FUT8: variants seen among roughly 807,000 people sequenced by gnomAD.
FUT8 encodes fucosyltransferase 8, also known as alpha-(1,6)-fucosyltransferase.
In FUT8, 29 loss-of-function variants were observed where a neutral mutation model predicts 71.3. The ratio of observed to expected loss-of-function variants is 0.41; its 90% CI spans 0.30 to 0.55. The LOEUF (loss-of-function observed/expected upper bound fraction) is 0.55, where lower values mean the gene tolerates loss of function less well. Ranked by LOEUF, FUT8 falls within the 20% of genes least tolerant of loss-of-function variation. FUT8 has a pLI of 0.34. For synonymous variants in FUT8, 254 were observed against 239.3 expected, an observed-to-expected ratio of 1.06 and a Z score of -0.57; for missense variants, 544 against 702.1, an observed-to-expected ratio of 0.77 and a Z score of 2.55.
chr14:65,629,672 A>G, intron 6 of FUT8, 66 bp downstream of exon 6: 5 of 1,118,214 alleles, frequency 4.5e-6, no homozygotes, highest in Non-Finnish European at 6.8e-6. Context: ...AACTAAGAGT[A>G]ATAATTTCAG....
intron 2 of FUT8, chr14:65,468,339 C>T (rs190327962): frequency 1.3e-3 from 737 of 576,030 alleles, no homozygotes; most frequent in Non-Finnish European, 1.9e-3. Context: ...CCTTTGTGTT[C>T]GTCCTTTTGG....
At chr14:65,602,956 T>G (rs901456321) in intron 3 of FUT8, among the ~76,000 whole-genome samples, 2 of 152,000 alleles carry the variant, frequency 1.3e-5, no homozygotes, top group Non-Finnish European at 2.9e-5. Flanking sequence ...TGGGTTGTGT[T>G]TATTCTGCTG....
At chr14:65,426,106 C>A (rs939114490) in intron 1 of FUT8, among the ~76,000 whole-genome samples, 3 of 152,096 alleles carry the variant, frequency 2.0e-5, no homozygotes, top group African/African-American at 7.2e-5. Context: ...CCAACATCTC[C>A]CCATTTCCTC....
intron 5 of FUT8, 96 bp from the exon 6 acceptor site, chr14:65,629,396 A>G (rs752206898): frequency 4.2e-5 from 31 of 729,794 alleles, no homozygotes; most frequent in Admixed American, 1.6e-4. Flanking sequence ...GCGAGCATCA[A>G]TCTTTATGAG....
chr14:65,613,252 A>G (rs562542539), intron 3 of FUT8, among the ~76,000 whole-genome samples: 9 of 152,274 alleles, frequency 5.9e-5, no homozygotes, highest in African/African-American at 1.4e-4. Flanking sequence ...TAATCTTTCT[A>G]TTGTCAATTT....
the FUT8 span, among the ~76,000 whole-genome samples, chr14:65,402,630 C>T: frequency 1.3e-5 from 2 of 151,718 alleles, no homozygotes; most frequent in Admixed American, 1.3e-4. Flanking sequence ...CGCGCCACTG[C>T]ACTCCAGCCT....
intron 10 of FUT8, among the ~76,000 whole-genome samples, chr14:65,735,471 A>G (rs1896176514): frequency 6.6e-6 from 1 of 152,198 alleles, no homozygotes; most frequent in Admixed American, 6.5e-5. Context: ...CCAAAGGAAT[A>G]AGGCTCATAC....
intron 2 of FUT8, among the ~76,000 whole-genome samples, chr14:65,526,389 G>C (rs1186020144): frequency 2.0e-5 from 3 of 152,108 alleles, no homozygotes; most frequent in African/African-American, 7.2e-5. Context: ...TGCAACCCCT[G>C]CCTTTTTTTG....
At chr14:65,387,211 A>G in the FUT8 span, among the ~76,000 whole-genome samples, 1 of 152,152 alleles carries the variant, frequency 6.6e-6, no homozygotes. Context: ...TGACTTGGAA[A>G]CAGTTTGAGC....
intron 1 of FUT8, among the ~76,000 whole-genome samples, chr14:65,447,303 A>T (rs1030670923): frequency 6.6e-6 from 1 of 151,856 alleles, no homozygotes; most frequent in Non-Finnish European, 1.5e-5. Context: ...AAAAAAAAAA[A>T]AAAACCCAAA....
chr14:65,728,583 G>A (rs1895803583), intron 9 of FUT8, among the ~76,000 whole-genome samples: 1 of 152,200 alleles, frequency 6.6e-6, no homozygotes, highest in Admixed American at 6.5e-5. Context: ...TTCTAATACA[G>A]TCATGTACCA....
chr14:65,618,261 A>C (rs542897093), intron 5 of FUT8, among the ~76,000 whole-genome samples: 3 of 151,800 alleles, frequency 2.0e-5, no homozygotes, highest in Admixed American at 1.3e-4. Context: ...TGTTTATATA[A>C]CTCGCATATG....
At chr14:65,357,255 G>A in the FUT8 span, among the ~76,000 whole-genome samples, 54 of 152,234 alleles carry the variant, frequency 3.5e-4, no homozygotes, top group African/African-American at 1.3e-3. Context: ...GTCAACTGCT[G>A]TAGTTACTGT....
intron 3 of FUT8, among the ~76,000 whole-genome samples, chr14:65,611,299 A>AC (rs1566851583): frequency 8.1e-5 from 4 of 49,642 alleles, no homozygotes; most frequent in African/African-American, 4.4e-4. Flanking sequence ...ACACACACAC[A>AC]CACCCCCCAA....
chr14:65,640,679 A>T (rs778419236), intron 6 of FUT8, among the ~76,000 whole-genome samples: 1 of 152,146 alleles, frequency 6.6e-6, no homozygotes, highest in Non-Finnish European at 1.5e-5. Flanking sequence ...ATTAGAGAGT[A>T]TTAACATAGA....
At chr14:65,699,830 G>A (rs1177871412) in intron 7 of FUT8, among the ~76,000 whole-genome samples, 1 of 151,738 alleles carries the variant, frequency 6.6e-6, no homozygotes, top group South Asian at 2.1e-4. Flanking sequence ...TTTTTATATA[G>A]GTTAGAGGAA....
At chr14:65,537,608 C>T (rs989379560) in intron 2 of FUT8, among the ~76,000 whole-genome samples, 8 of 152,076 alleles carry the variant, frequency 5.3e-5, no homozygotes, top group South Asian at 2.1e-4. Flanking sequence ...AGGATGGTCT[C>T]GATCTCCTGA....
chr14:65,721,877 C>G lies in FUT8; in HGVS notation c.938C>G (p.Ala313Gly). ...CCCTTGGCTGTACCAGAAGACCTCGCAGATCGACTTGTACGAGTGCATGGT... is the reference window on the plus strand; with the variant it reads ...CCCTTGGCTGTACCAGAAGACCTCGGAGATCGACTTGTACGAGTGCATGGT... Reference protein sequence around the residue: ...YLPLAVPEDLADRLVRVHGDP... With the variant: ...YLPLAVPEDLGDRLVRVHGDP... Residue 313 changes from alanine (A) to glycine (G), a missense_variant, in exon 8 of 11, where the codon GCA becomes GGA. Coordinates refer to ENST00000673929, the MANE Select transcript of FUT8 (RefSeq NM_001371533.1). The G allele has an allele frequency of 6.2e-7, 1 of 1,614,202 alleles. No homozygotes were observed. Among genetic ancestry groups the G allele is most frequent in the Non-Finnish European group, 8.5e-7 (1 of 1,180,036 alleles).
intron 8 of FUT8, 54 bp from the exon 9 acceptor site, chr14:65,724,093 C>G (rs1435952536): frequency 7.3e-7 from 1 of 1,361,740 alleles, no homozygotes; most frequent in Non-Finnish European, 9.7e-7. Flanking sequence ...ATTGAGTACC[C>G]TCAAAGCACC....
Sources: allele counts gnomAD v4.1 joint callset (sites outside exome capture counted in the v4.1 genomes callset), GRCh38; gene constraint gnomAD v4.1.1; transcripts MANE v1.5; gene names NCBI Gene and HGNC (gene_info 2026-07-23, HGNC 2026-07-21).